Variants in PCED1B observed in about 807,000 individuals in gnomAD.
PCED1B encodes PC-esterase domain containing 1B.
For missense variants in PCED1B, 573 were observed against 573.9 expected (o/e 1.00, Z 0.02); for synonymous variants, 251 against 246.1 (o/e 1.02, Z -0.19).
At chr12:47,135,742 C>T (rs952453396) in intron 2 of PCED1B, 37 of 532,492 alleles carry the variant, frequency 6.9e-5, no homozygotes, top group African/African-American at 1.2e-4. Context: ...TGGTCGGGCA[C>T]GGAGGTCTCA....
At chr12:47,196,910 A>C (rs910307773) in intron 2 of PCED1B, among the ~76,000 whole-genome samples, 1 of 152,032 alleles carries the variant, frequency 6.6e-6, no homozygotes, top group African/African-American at 2.4e-5. Flanking sequence ...AGCTGAAATG[A>C]AAACATTTGC....
At chr12:47,224,439 C>G (rs1592315984) in intron 3 of PCED1B, among the ~76,000 whole-genome samples, 1 of 152,152 alleles carries the variant, frequency 6.6e-6, no homozygotes. Flanking sequence ...AATTTTCAGA[C>G]TCAAAGTGTT....
chr12:47,146,193 A>G (rs1194772461), intron 2 of PCED1B, among the ~76,000 whole-genome samples: 1 of 152,216 alleles, frequency 6.6e-6, no homozygotes, highest in African/African-American at 2.4e-5. Context: ...AGAAGCGGAG[A>G]CTGAAGATGT....
chr12:47,140,562 T>C (rs1163731984), intron 2 of PCED1B, among the ~76,000 whole-genome samples: 1 of 152,202 alleles, frequency 6.6e-6, no homozygotes, highest in Admixed American at 6.5e-5. Context: ...CGGAATGAGA[T>C]GATATACTGT....
Position 47,175,551 on chromosome 12 carries a change from AGTAT to A in PCED1B, c.-525-40642_-525-40639del, listed in dbSNP as rs34227779. ...AGAAACCTTTTGGTTTACTTCTTTC[AGTAT>A]GTATGTATGTATGTATGTATGTATG... On this transcript the variant is annotated intron_variant, in intron 2 of 3. Coordinates refer to ENST00000546455, the MANE Select transcript of PCED1B (RefSeq NM_138371.3). Among the ~76,000 whole-genome samples, 1,458 of 151,442 alleles carry A rather than the reference AGTAT, an allele frequency of 9.6e-3. 7 individuals carry two copies. Among genetic ancestry groups the A allele is most frequent in the African/African-American group, 0.011 (440 of 41,120 alleles).
At chr12:47,231,738 A>T (rs1179855762) in intron 3 of PCED1B, among the ~76,000 whole-genome samples, 6 of 152,228 alleles carry the variant, frequency 3.9e-5, no homozygotes, top group African/African-American at 1.4e-4. Context: ...TGTAGCAGAG[A>T]CAGCACTAAA....
intron 2 of PCED1B, among the ~76,000 whole-genome samples, chr12:47,172,041 T>G (rs1167754647): frequency 6.6e-6 from 1 of 152,206 alleles, no homozygotes; most frequent in African/African-American, 2.4e-5. Flanking sequence ...AGAATATGTC[T>G]AAGTGTGTGG....
At chr12:47,228,507 A>C (rs1943702271) in intron 3 of PCED1B, among the ~76,000 whole-genome samples, 1 of 152,192 alleles carries the variant, frequency 6.6e-6, no homozygotes, top group African/African-American at 2.4e-5. Context: ...CTTCTATTAG[A>C]GATAGACTTT....
At chr12:47,178,298 G>C (rs760103292) in intron 2 of PCED1B, among the ~76,000 whole-genome samples, 6 of 152,152 alleles carry the variant, frequency 3.9e-5, no homozygotes, top group Non-Finnish European at 5.9e-5. Flanking sequence ...AGGAGGACCC[G>C]GTGGATGCCA....
chr12:47,151,368 G>A (rs960157276), intron 2 of PCED1B, among the ~76,000 whole-genome samples: 6 of 152,174 alleles, frequency 3.9e-5, no homozygotes, highest in African/African-American at 1.4e-4. Context: ...TGCAGCCTAG[G>A]AGCAAAAGGC....
chr12:47,156,836 T>C (rs1478094309), intron 2 of PCED1B, among the ~76,000 whole-genome samples: 1 of 152,162 alleles, frequency 6.6e-6, no homozygotes, highest in African/African-American at 2.4e-5. Context: ...GAAGCTCTCC[T>C]TCGTTACTTA....
At chr12:47,169,760 T>A (rs1941660110) in intron 2 of PCED1B, among the ~76,000 whole-genome samples, 1 of 151,550 alleles carries the variant, frequency 6.6e-6, no homozygotes, top group South Asian at 2.1e-4. Context: ...GAGGCCAAGA[T>A]AGGAAGATCG....
chr12:47,169,139 C>G (rs1166651689), intron 2 of PCED1B, among the ~76,000 whole-genome samples: 1 of 152,094 alleles, frequency 6.6e-6, no homozygotes, highest in Admixed American at 6.5e-5. Flanking sequence ...AAATGAAGAC[C>G]TAAAGAAACA....
intron 2 of PCED1B, among the ~76,000 whole-genome samples, chr12:47,181,000 CTT>C (rs60972537): frequency 0.55 from 80,944 of 147,144 alleles, 23,059 homozygotes; most frequent in South Asian, 0.66. Context: ...CTTTTTCTTT[CTT>C]TTTTTTTTTT....
chr12:47,216,932 T>C (rs1943276552), intron 3 of PCED1B, among the ~76,000 whole-genome samples: 2 of 152,138 alleles, frequency 1.3e-5, no homozygotes, highest in Non-Finnish European at 2.9e-5. Context: ...GCCAATTTAG[T>C]TGTGAACTGG....
chr12:47,086,359 G>GT (rs1431792238), intron 1 of PCED1B, among the ~76,000 whole-genome samples: 5 of 87,720 alleles, frequency 5.7e-5, no homozygotes, highest in Non-Finnish European at 8.3e-5. Flanking sequence ...TGTGCTTATG[G>GT]TAAAAAAAAA....
At chr12:47,095,153 A>C (rs906589260) in intron 1 of PCED1B, among the ~76,000 whole-genome samples, 19 of 149,560 alleles carry the variant, frequency 1.3e-4, no homozygotes, top group African/African-American at 3.0e-4. Context: ...CCTGAAGAAC[A>C]TCCTTTAGTT....
intron 2 of PCED1B, among the ~76,000 whole-genome samples, chr12:47,130,309 A>G (rs1387007612): frequency 2.0e-5 from 3 of 152,218 alleles, no homozygotes; most frequent in Admixed American, 1.3e-4. Context: ...TTATTTCACA[A>G]CATTATATTC....
intron 2 of PCED1B, among the ~76,000 whole-genome samples, chr12:47,129,622 G>A (rs1285037084): frequency 6.6e-6 from 1 of 152,052 alleles, no homozygotes; most frequent in African/African-American, 2.4e-5. Flanking sequence ...AAAAAAAAGA[G>A]TGGCATGCCC....
Sources: allele counts gnomAD v4.1 joint callset (sites outside exome capture counted in the v4.1 genomes callset), GRCh38; gene constraint gnomAD v4.1.1; transcripts MANE v1.5; gene names NCBI Gene and HGNC (gene_info 2026-07-23, HGNC 2026-07-21).